Variants in ATP8A1 observed in about 807,000 individuals in gnomAD.
The protein encoded by ATP8A1 is phospholipid-transporting ATPase IA.
A neutral mutation model predicts 177.7 loss-of-function variants in ATP8A1; 90 were observed. That is an observed-to-expected ratio of 0.51 (90% CI 0.43 to 0.60). The LOEUF is 0.60. Among genes scored for constraint, ATP8A1 ranks in the 20% least tolerant of loss-of-function variants. The pLI is 0.00. For synonymous variants in ATP8A1, 493 were observed against 485.9 expected, an observed-to-expected ratio of 1.01 and a Z score of -0.19; for missense variants, 1,072 against 1,392.8, an observed-to-expected ratio of 0.77 and a Z score of 3.67.
chr4:42,592,091 A>G (rs1225235336), intron 6 of ATP8A1, among the ~76,000 whole-genome samples: 1 of 152,056 alleles, frequency 6.6e-6, no homozygotes, highest in East Asian at 1.9e-4. Flanking sequence ...CCCTTTGAGG[A>G]AAAAAAATAC....
At chr4:42,550,997 A>T (rs1289076890) in intron 18 of ATP8A1, among the ~76,000 whole-genome samples, 1 of 152,194 alleles carries the variant, frequency 6.6e-6, no homozygotes, top group Non-Finnish European at 1.5e-5. Context: ...GAAGAGTCAA[A>T]ACATGTATTA....
chr4:42,585,843 G>C (rs756081005), intron 9 of ATP8A1, among the ~76,000 whole-genome samples: 2 of 152,056 alleles, frequency 1.3e-5, no homozygotes, highest in African/African-American at 2.4e-5. Context: ...AAAGAGATGA[G>C]ATGACTATAA....
chr4:42,602,326 C>T (rs1406853457), intron 5 of ATP8A1, among the ~76,000 whole-genome samples: 3 of 152,142 alleles, frequency 2.0e-5, no homozygotes, highest in Non-Finnish European at 2.9e-5. Flanking sequence ...GGAGTAAATC[C>T]CCTGCTCGAT....
At position 42,562,706 on chromosome 4, in the gene ATP8A1, T is replaced by C. The variant is rs142771396; in HGVS notation, c.1340+6455A>G. On this transcript the variant is annotated intron_variant, in intron 15 of 36. Coordinates refer to ENST00000381668, the MANE Select transcript of ATP8A1 (RefSeq NM_006095.2). Reference sequence around the variant, plus strand: ...GTAGGAGAGACCTGATGGAAGGCAATTGAACCATGGGGGCAGGTCTTTCCT... The same window carrying C: ...GTAGGAGAGACCTGATGGAAGGCAACTGAACCATGGGGGCAGGTCTTTCCT... 2.7e-3 allele frequency among the ~76,000 whole-genome samples: 413 copies of C among 152,296 alleles called. 3 individuals are homozygous for C. The highest frequency in any genetic ancestry group is 8.5e-3 in the African/African-American group (355 of 41,556).
intron 22 of ATP8A1, among the ~76,000 whole-genome samples, chr4:42,519,291 C>T (rs138849407): frequency 1.3e-5 from 2 of 152,028 alleles, no homozygotes. Context: ...GGAGTCTCCC[C>T]CTATGTTCCC....
intron 4 of ATP8A1, among the ~76,000 whole-genome samples, chr4:42,622,435 T>C (rs961408804): frequency 6.6e-6 from 1 of 151,542 alleles, no homozygotes; most frequent in Non-Finnish European, 1.5e-5. Context: ...CCCCAAACTA[T>C]AAAAACCCTG....
In ATP8A1 at chr4:42,543,990, A is replaced by G. The variant is rs781078771; in HGVS notation, c.1653-4T>C. On this transcript the variant is annotated splice_region_variant and splice_polypyrimidine_tract_variant and intron_variant, in intron 19 of 36. Coordinates refer to ENST00000381668, the MANE Select transcript of ATP8A1 (RefSeq NM_006095.2). ...CACTGACATTCTTTTCCTAGCACTGAAAGAAAGAGGTTTTGCATAATGTGT... is the reference window on the plus strand; with the variant it reads ...CACTGACATTCTTTTCCTAGCACTGGAAGAAAGAGGTTTTGCATAATGTGT... 3 of 1,612,870 alleles carry G rather than the reference A, an allele frequency of 1.9e-6. No individual in the cohort carries two copies. The East Asian group carries it at 6.7e-5, about 36-fold the overall frequency.
chr4:42,561,918 A>G (rs1730876982), intron 15 of ATP8A1: 1 of 152,158 alleles, frequency 6.6e-6, no homozygotes, highest in Non-Finnish European at 1.5e-5. Flanking sequence ...TGTTAGTTGC[A>G]CTAACACTGT....
At chr4:42,591,134 A>T (rs997850038) in intron 6 of ATP8A1, among the ~76,000 whole-genome samples, 7 of 152,110 alleles carry the variant, frequency 4.6e-5, no homozygotes, top group South Asian at 2.1e-4. Flanking sequence ...TAGTGTGAAA[A>T]CTTAATTTTT....
Position 42,438,428 on chromosome 4 carries a change from T to C in ATP8A1, c.3123+5137A>G, listed in dbSNP as rs192056363. 5.3e-5 allele frequency among the ~76,000 whole-genome samples: 8 copies of C among 152,254 alleles called. No homozygotes were observed. The East Asian group carries it at 1.4e-3, about 26-fold the overall frequency. ...GATGACTGGGTTTTCTATTTAATAGTTTTTTTAAATTTTTTTTAACAAAAT... is the reference window on the plus strand; with the variant it reads ...GATGACTGGGTTTTCTATTTAATAGCTTTTTTAAATTTTTTTTAACAAAAT... On this transcript the variant is annotated intron_variant, in intron 33 of 36. Transcript: ENST00000381668.
intron 4 of ATP8A1, among the ~76,000 whole-genome samples, chr4:42,617,372 C>T (rs1468530107): frequency 6.6e-6 from 1 of 152,208 alleles, no homozygotes; most frequent in African/African-American, 2.4e-5. Context: ...GTATAAAATA[C>T]TCACTAATAA....
intron 22 of ATP8A1, among the ~76,000 whole-genome samples, chr4:42,520,825 T>C (rs1227653180): frequency 6.6e-6 from 1 of 152,194 alleles, no homozygotes; most frequent in Non-Finnish European, 1.5e-5. Context: ...TATTTAGGTA[T>C]CTTCCCCTTA....
intron 33 of ATP8A1, among the ~76,000 whole-genome samples, chr4:42,435,456 A>AAAAAAAAAC (rs1560320569): frequency 4.4e-4 from 44 of 101,050 alleles, no homozygotes; most frequent in African/African-American, 1.2e-3. Flanking sequence ...AAAACAAAAA[A>AAAAAAAAAC]AAAAAAACAA....
intron 7 of ATP8A1, among the ~76,000 whole-genome samples, chr4:42,590,191 T>C (rs1369188378): frequency 2.6e-5 from 4 of 152,220 alleles, no homozygotes; most frequent in Admixed American, 6.5e-5. Flanking sequence ...CAGTCACTAG[T>C]AGACAGCTGA....
intron 20 of ATP8A1, among the ~76,000 whole-genome samples, chr4:42,526,756 CCTGA>C (rs1185375865): frequency 6.6e-6 from 1 of 151,968 alleles, no homozygotes; most frequent in Admixed American, 6.6e-5. Flanking sequence ...TCTAGAGAAC[CCTGA>C]CTAATACAGA....
At chr4:42,611,886 T>C (rs980350752) in intron 5 of ATP8A1, among the ~76,000 whole-genome samples, 1 of 152,228 alleles carries the variant, frequency 6.6e-6, no homozygotes, top group African/African-American at 2.4e-5. Context: ...GATGGCCTCT[T>C]GTGTGTGTAG....
chr4:42,563,722 C>A (rs929192159), intron 15 of ATP8A1, among the ~76,000 whole-genome samples: 1 of 152,178 alleles, frequency 6.6e-6, no homozygotes, highest in Non-Finnish European at 1.5e-5. Flanking sequence ...CTAAAAGAGG[C>A]TAGTGCTTCA....
chr4:42,430,314 A>G (rs1484792508), intron 33 of ATP8A1, among the ~76,000 whole-genome samples: 1 of 151,848 alleles, frequency 6.6e-6, no homozygotes, highest in African/African-American at 2.4e-5. Flanking sequence ...TTCCCTGTAC[A>G]TACTATTCTT....
chr4:42,457,455 A>T (rs534805983), intron 27 of ATP8A1, among the ~76,000 whole-genome samples: 1 of 152,354 alleles, frequency 6.6e-6, no homozygotes, highest in East Asian at 1.9e-4. Flanking sequence ...ATGGAAATAT[A>T]AGGAATTTCA....
Sources: allele counts gnomAD v4.1 joint callset (sites outside exome capture counted in the v4.1 genomes callset), GRCh38; gene constraint gnomAD v4.1.1; transcripts MANE v1.5; gene names NCBI Gene and HGNC (gene_info 2026-07-23, HGNC 2026-07-21).